The following KPNA6 variants were observed in gnomAD, a reference collection of about 807,000 sequenced individuals.
KPNA6 encodes the protein karyopherin subunit alpha 6.
In KPNA6, 9 loss-of-function variants were observed where a neutral mutation model predicts 72.0. The observed-to-expected ratio is 0.13, with a 90% CI of 0.08 to 0.22. KPNA6 has a LOEUF of 0.22. Among genes scored for constraint, KPNA6 ranks in the 10% least tolerant of loss-of-function variants. The pLI is 1.00. For missense variants in KPNA6, 374 were observed against 655.7 expected, an observed-to-expected ratio of 0.57 and a Z score of 4.69; for synonymous variants, 219 against 242.1, an observed-to-expected ratio of 0.90 and a Z score of 0.89.
Position 32,172,701 on chromosome 1 carries a change from G to T in KPNA6, c.*1807G>T. On this transcript the variant is annotated 3_prime_UTR_variant, in exon 14 of 14. Coordinates refer to ENST00000373625, the MANE Select transcript of KPNA6 (RefSeq NM_012316.5). ...GTAAAGCCCACCTGTTTGGATGGGA[G>T]TAGAGGAAGTTGGTGTAGACCAGCT... is the stretch of plus-strand genomic sequence containing the variant. 1 of 174,940 alleles carries T rather than the reference G, an allele frequency of 5.7e-6. No homozygotes were observed. The highest frequency in any genetic ancestry group is 1.2e-5 in the Non-Finnish European group (1 of 83,510). The allele number at this position is 174,940 out of a possible 1,614,324, so 10.8% of individuals were successfully genotyped here.
chr1:32,110,325 A>T (rs1040235453), intron 1 of KPNA6, among the ~76,000 whole-genome samples: 6 of 151,462 alleles, frequency 4.0e-5, no homozygotes, highest in African/African-American at 1.5e-4. Context: ...TCGGCCTCCC[A>T]AAGTGCTGGG....
intron 10 of KPNA6, among the ~76,000 whole-genome samples, chr1:32,165,646 A>C (rs1185499958): frequency 6.6e-6 from 1 of 152,128 alleles, no homozygotes; most frequent in South Asian, 2.1e-4. Context: ...AGGCTGCAGT[A>C]AGCCATGATC....
intron 1 of KPNA6, among the ~76,000 whole-genome samples, chr1:32,148,099 G>A (rs1269033516): frequency 6.6e-6 from 1 of 152,040 alleles, no homozygotes; most frequent in Non-Finnish European, 1.5e-5. Flanking sequence ...GTGTCTCAAT[G>A]TGGATATTTT....
At chr1:32,141,644 G>A (rs963573136) in intron 1 of KPNA6, among the ~76,000 whole-genome samples, 1 of 151,714 alleles carries the variant, frequency 6.6e-6, no homozygotes, top group Non-Finnish European at 1.5e-5. Flanking sequence ...TGATCCACCC[G>A]CCTCAGCCTC....
chr1:32,170,122 C>T (rs1642410022), intron 13 of KPNA6, 62 bp downstream of exon 13: 1 of 1,447,166 alleles, frequency 6.9e-7, no homozygotes, highest in Non-Finnish European at 9.6e-7. Context: ...ACGTGGTATA[C>T]ATATGTTGGT....
intron 1 of KPNA6, among the ~76,000 whole-genome samples, chr1:32,136,181 CTT>C (rs759447035): frequency 1.4e-5 from 2 of 139,258 alleles, no homozygotes; most frequent in Non-Finnish European, 1.5e-5. Flanking sequence ...TAGCTTCTCT[CTT>C]TTTTTTTTTT....
chr1:32,129,530 A>G (rs1276061304), intron 1 of KPNA6, among the ~76,000 whole-genome samples: 1 of 151,120 alleles, frequency 6.6e-6, no homozygotes, highest in South Asian at 2.1e-4. Context: ...GTATCATTTG[A>G]TATTTGTGTT....
chr1:32,166,333 T>C (rs1319206420), intron 11 of KPNA6, 103 bp downstream of exon 11: 46 of 1,397,304 alleles, frequency 3.3e-5, no homozygotes, highest in Non-Finnish European at 4.3e-5. Context: ...CCTTTAAAAA[T>C]AGGAGTCAAT....
At chr1:32,157,474 C>T in intron 4 of KPNA6, 29 bp downstream of exon 4, 1 of 1,514,528 alleles carries the variant, frequency 6.6e-7, no homozygotes, top group Non-Finnish European at 9.2e-7. Flanking sequence ...GTCAGAGAGG[C>T]CTTATATGAT....
chr1:32,140,158 G>A (rs1641812509), intron 1 of KPNA6, among the ~76,000 whole-genome samples: 1 of 152,146 alleles, frequency 6.6e-6, no homozygotes, highest in South Asian at 2.1e-4. Flanking sequence ...GCCGAGGCAG[G>A]CGGATCACAA....
chr1:32,108,689 C>T (rs115788839), intron 1 of KPNA6, among the ~76,000 whole-genome samples: 2 of 152,220 alleles, frequency 1.3e-5, no homozygotes, highest in African/African-American at 2.4e-5. Flanking sequence ...GCCGGGAGAA[C>T]GGAATCAAGG....
chr1:32,138,228 A>T (rs1641774264), intron 1 of KPNA6, among the ~76,000 whole-genome samples: 1 of 151,756 alleles, frequency 6.6e-6, no homozygotes, highest in African/African-American at 2.4e-5. Flanking sequence ...GACAATAGGG[A>T]TTTCAAACTT....
chr1:32,165,775 A>G lies in KPNA6; in HGVS notation c.991-330A>G, dbSNP rs188212256. ...CACTTTGGGAGGCCGAGGCAGGCAG[A>G]TCACCTGAGGTCAGGAGCATGAGAC... On this transcript the variant is annotated intron_variant, in intron 10 of 13. Coordinates refer to ENST00000373625, the MANE Select transcript of KPNA6 (RefSeq NM_012316.5). 1.2e-3 allele frequency among the ~76,000 whole-genome samples: 179 copies of G among 152,204 alleles called. 1 individual carries two copies. The highest frequency in any genetic ancestry group is 3.9e-3 in the African/African-American group (164 of 41,528).
At chr1:32,122,551 C>G (rs112600497) in intron 1 of KPNA6, among the ~76,000 whole-genome samples, 19,612 of 151,856 alleles carry the variant, frequency 0.13, 1,703 homozygotes, top group South Asian at 0.25. Context: ...TTGGGAGGCT[C>G]AGGTGGGAGG....
intron 1 of KPNA6, among the ~76,000 whole-genome samples, chr1:32,138,929 A>G (rs1347998912): frequency 2.0e-5 from 3 of 152,150 alleles, no homozygotes; most frequent in African/African-American, 7.2e-5. Context: ...TAATTTTCAC[A>G]TGAATTCTGG....
At chr1:32,112,796 A>G (rs1019146318) in intron 1 of KPNA6, among the ~76,000 whole-genome samples, 1 of 152,172 alleles carries the variant, frequency 6.6e-6, no homozygotes, top group African/African-American at 2.4e-5. Context: ...TGCCCAGCCA[A>G]AAGTACATAT....
intron 1 of KPNA6, among the ~76,000 whole-genome samples, chr1:32,120,727 C>G (rs149884641): frequency 1.3e-5 from 2 of 151,308 alleles, no homozygotes; most frequent in South Asian, 4.2e-4. Context: ...CCATCACACT[C>G]GGTTAATTTT....
At chr1:32,165,774 G>A (rs1314265305) in intron 10 of KPNA6, among the ~76,000 whole-genome samples, 1 of 152,042 alleles carries the variant, frequency 6.6e-6, no homozygotes, top group Non-Finnish European at 1.5e-5. Context: ...GAGGCAGGCA[G>A]ATCACCTGAG....
At chr1:32,109,849 G>A (rs1333940599) in intron 1 of KPNA6, among the ~76,000 whole-genome samples, 2 of 151,496 alleles carry the variant, frequency 1.3e-5, no homozygotes, top group Non-Finnish European at 2.9e-5. Flanking sequence ...GTGGAGACGG[G>A]GTTTCACCGT....
Sources: gnomAD v4.1 joint callset for allele counts (sites outside exome capture counted in the v4.1 genomes callset) on GRCh38, gnomAD v4.1.1 for gene constraint, MANE v1.5 for transcripts, NCBI Gene and HGNC (gene_info 2026-07-23, HGNC 2026-07-21) for gene names.